COPS2: variants seen among roughly 807,000 people sequenced by gnomAD.
COPS2 encodes COP9 signalosome complex subunit 2.
Under a neutral mutation model 66.1 loss-of-function variants are expected in COPS2, and 10 were observed. That is an observed-to-expected ratio of 0.15 (90% CI 0.09 to 0.26). The LOEUF (loss-of-function observed/expected upper bound fraction) is 0.26. Ranked by LOEUF, COPS2 falls within the 10% of genes least tolerant of loss-of-function variation. The probability of loss-of-function intolerance (pLI) is 1.00; values close to 1 mark genes in which losing one functional copy is unlikely to be tolerated. For synonymous variants in COPS2, 179 were observed against 171.3 expected (o/e 1.04, Z -0.35); for missense variants, 215 against 513.3 (o/e 0.42, Z 5.62).
chr15:49,154,467 A>T (rs754013248), intron 1 of COPS2, among the ~76,000 whole-genome samples: 31 of 152,348 alleles, frequency 2.0e-4, no homozygotes, highest in Non-Finnish European at 3.7e-4. Flanking sequence ...AATATATACG[A>T]AAAAGTTATA....
At chr15:49,151,127 G>A (rs921089363) in intron 1 of COPS2, among the ~76,000 whole-genome samples, 5 of 152,050 alleles carry the variant, frequency 3.3e-5, no homozygotes, top group Non-Finnish European at 7.4e-5. Context: ...TAGGCCAGGC[G>A]TGGTGGCTCA....
intron 12 of COPS2, 89 bp from the exon 13 acceptor site, chr15:49,128,183 A>T (rs1688096365): frequency 1.5e-6 from 2 of 1,292,750 alleles, no homozygotes; most frequent in Admixed American, 4.6e-5. Context: ...AGTATCAACA[A>T]ATGCCAAAAA....
chr15:49,144,624 CAAGA>C (rs1278378395), intron 2 of COPS2, among the ~76,000 whole-genome samples: 1 of 152,094 alleles, frequency 6.6e-6, no homozygotes, highest in Admixed American at 6.6e-5. Context: ...ATCAGTAAGT[CAAGA>C]AATCAAGCTA....
chr15:49,144,097 G>A (rs2084306252), intron 3 of COPS2, 130 bp downstream of exon 3: 1 of 681,000 alleles, frequency 1.5e-6, no homozygotes, highest in African/African-American at 1.8e-5. Flanking sequence ...AGTCCCAACT[G>A]CAGAGCAGAC....
chr15:49,132,499 T>C (rs1231096395), intron 9 of COPS2, among the ~76,000 whole-genome samples: 10 of 147,878 alleles, frequency 6.8e-5, no homozygotes, highest in Non-Finnish European at 3.0e-5. Context: ...TACAGTCTAA[T>C]AGTGTTTTCT....
At chr15:49,144,069 T>A (rs560534590) in intron 3 of COPS2, among the ~76,000 whole-genome samples, 158 bp downstream of exon 3, 1 of 152,292 alleles carries the variant, frequency 6.6e-6, no homozygotes, top group East Asian at 1.9e-4. Context: ...ATTTGTTTTT[T>A]TTACTTAGTA....
intron 1 of COPS2, among the ~76,000 whole-genome samples, chr15:49,150,798 A>G (rs900589766): frequency 1.3e-5 from 2 of 152,170 alleles, no homozygotes; most frequent in African/African-American, 2.4e-5. Context: ...AAAAATAACT[A>G]TTGGATACTT....
At position 49,128,018 on chromosome 15, in the gene COPS2, T is replaced by C. The variant is rs2084181412; in HGVS notation, c.1264A>G (p.Thr422Ala). 3 of 1,613,858 alleles carry C rather than the reference T, an allele frequency of 1.9e-6. No individual in the cohort carries two copies. The highest frequency in any genetic ancestry group is 4.5e-5 in the East Asian group (2 of 44,874). The change falls in exon 13 of 13, where the codon ACT (threonine) becomes GCT (alanine). Residue 422 changes from threonine to alanine, a missense_variant. Coordinates refer to ENST00000388901, the MANE Select transcript of COPS2 (RefSeq NM_004236.4). ...TGGTTGGTCCATTTATCTAGTGCAG[T>C]ATATCGTGCACCACCCCTCTTCTGA... ...DHQKRGGARY[T>A]ALDKWTNQLN...
chr15:49,147,630 A>G (rs1026026777), intron 1 of COPS2, among the ~76,000 whole-genome samples: 125 of 151,484 alleles, frequency 8.3e-4, no homozygotes, highest in African/African-American at 3.0e-3. Flanking sequence ...CTTGTCATTC[A>G]GTCACGGAAT....
rs1299372987 is a variant in COPS2, at chr15:49,127,108, A to G, written c.*842T>C. 6.6e-6 allele frequency: 1 copy of G among 152,178 alleles called. No homozygotes were observed. The highest frequency in any genetic ancestry group is 1.9e-4 in the East Asian group (1 of 5,204). The allele number at this position is 152,178 out of a possible 1,614,324, so 9.4% of individuals were successfully genotyped here. Reference sequence around the variant, plus strand: ...GAAAAGGAATATCACTCTTTAAAAAAAAAGAATTTTATTCCTTTAAAGCAT... The same window carrying G: ...GAAAAGGAATATCACTCTTTAAAAAGAAAGAATTTTATTCCTTTAAAGCAT... On this transcript the variant is annotated 3_prime_UTR_variant, in exon 13 of 13. Coordinates refer to ENST00000388901, the MANE Select transcript of COPS2 (RefSeq NM_004236.4).
chr15:49,124,710 A>G lies in COPS2; in HGVS notation c.*3240T>C, dbSNP rs563612940. On this transcript the variant is annotated 3_prime_UTR_variant, in exon 13 of 13. Transcript: ENST00000388901. ...CTAGAAATATTTAGTCATAAATCCC[A>G]TATGAAGAATGAAACTCCCAGCTTT... The G allele has an allele frequency of 6.6e-6, 1 of 152,230 alleles. No homozygotes were observed. Among genetic ancestry groups the G allele is most frequent in the African/African-American group, 2.4e-5 (1 of 41,474 alleles). The allele number at this position is 152,230 out of a possible 1,614,324, so 9.4% of individuals were successfully genotyped here.
At chr15:49,133,908 T>A in intron 8 of COPS2, 22 bp downstream of exon 8, 1 of 1,577,236 alleles carries the variant, frequency 6.3e-7, no homozygotes, top group South Asian at 1.2e-5. Context: ...ATAAGAGAAA[T>A]TAACAATTAA....
intron 9 of COPS2, among the ~76,000 whole-genome samples, chr15:49,132,219 C>A (rs182461831): frequency 6.6e-6 from 1 of 151,940 alleles, no homozygotes; most frequent in East Asian, 1.9e-4. Flanking sequence ...ATAAAGATGA[C>A]GTTTCCTTTA....
chr15:49,128,083 C>A lies in COPS2; in HGVS notation c.1199G>T (p.Gly400Val). 6.2e-7 allele frequency: 1 copy of A among 1,613,328 alleles called. No individual in the cohort carries two copies. The highest frequency in any genetic ancestry group is 8.5e-7 in the Non-Finnish European group (1 of 1,179,564). ...GAGTTGGTTGACTTGATCAATTCGG[C>A]CATGAATAGTGCTAGAAAGAAATAA... Reference protein sequence around the residue: ...VQCILDNTIHGRIDQVNQLLE... With the variant: ...VQCILDNTIHVRIDQVNQLLE... The change falls in exon 13 of 13, where the codon GGC (glycine) becomes GTC (valine). Residue 400 changes from glycine to valine, a missense_variant. Physicochemically the swap from Gly to Val is moderately radical, Grantham distance 109. This residue lies in a region of COPS2 where 42 missense variants were observed against 55.9 expected (regional missense o/e 0.75). Transcript: ENST00000388901.
chr15:49,139,802 C>T (rs2084278815), intron 3 of COPS2, 149 bp from the exon 4 acceptor site: 2 of 570,986 alleles, frequency 3.5e-6, no homozygotes, highest in Admixed American at 3.3e-5. Flanking sequence ...CTATGTATGA[C>T]AGGAACATTG....
intron 1 of COPS2, among the ~76,000 whole-genome samples, chr15:49,152,203 A>AAT (rs2084367721): frequency 6.6e-6 from 1 of 151,892 alleles, no homozygotes; most frequent in Non-Finnish European, 1.5e-5. Flanking sequence ...TCCCAGACAA[A>AAT]ATAACTATTT....
intron 11 of COPS2, 68 bp downstream of exon 11, chr15:49,129,409 G>T: frequency 3.6e-6 from 2 of 556,638 alleles, no homozygotes; most frequent in Non-Finnish European, 5.8e-6. Context: ...ACTCTTAAAT[G>T]CAAGACTGGT....
chr15:49,147,819 T>C (rs1030076411), intron 1 of COPS2, among the ~76,000 whole-genome samples: 5 of 152,004 alleles, frequency 3.3e-5, no homozygotes, highest in African/African-American at 1.2e-4. Context: ...GTTTTTCATA[T>C]CATACGGATT....
chr15:49,144,373 G>T (rs955233057), intron 2 of COPS2, 69 bp from the exon 3 acceptor site: 4 of 864,458 alleles, frequency 4.6e-6, no homozygotes. Flanking sequence ...TGCCCAATGT[G>T]TAAGTATTGA....
Sources: gnomAD v4.1 joint callset for allele counts (sites outside exome capture counted in the v4.1 genomes callset) on GRCh38, gnomAD v4.1.1 for gene constraint, gnomAD v4.1.1 regional missense constraint, MANE v1.5 for transcripts, NCBI Gene and HGNC (gene_info 2026-07-23, HGNC 2026-07-21) for gene names.